The following GTF2I variants were observed in gnomAD, a reference collection of about 807,000 sequenced individuals.
The protein encoded by GTF2I is general transcription factor II-I.
A neutral mutation model predicts 67.6 loss-of-function variants in GTF2I; 12 were observed. The observed-to-expected ratio is 0.18, with a 90% CI of 0.11 to 0.29. The LOEUF (loss-of-function observed/expected upper bound fraction) is 0.29. Among genes scored for constraint, GTF2I ranks in the 10% least tolerant of loss-of-function variants. GTF2I has a pLI of 1.00. For synonymous variants in GTF2I, 149 were observed against 197.0 expected (o/e 0.76, Z 2.04); for missense variants, 271 against 580.1 (o/e 0.47, Z 5.47).
chr7:74,731,825 G>A (rs1369720248), intron 14 of GTF2I, among the ~76,000 whole-genome samples: 2 of 150,946 alleles, frequency 1.3e-5, no homozygotes, highest in Non-Finnish European at 3.0e-5. Context: ...GATTACAGGC[G>A]TGAGCCGCTG....
intron 4 of GTF2I, chr7:74,699,631 C>T (rs782232231): frequency 6.5e-6 from 1 of 153,708 alleles, no homozygotes; most frequent in Admixed American, 6.5e-5. Flanking sequence ...GCTCATCTCT[C>T]TAATTCCATG....
At chr7:74,694,206 T>A (rs1366279496) in intron 3 of GTF2I, among the ~76,000 whole-genome samples, 4 of 152,192 alleles carry the variant, frequency 2.6e-5, no homozygotes, top group Non-Finnish European at 5.9e-5. Context: ...GCCCTAACTC[T>A]CTTCAATTCT....
intron 2 of GTF2I, among the ~76,000 whole-genome samples, chr7:74,690,231 AG>A (rs1788154726): frequency 6.6e-6 from 1 of 151,906 alleles, no homozygotes; most frequent in South Asian, 2.1e-4. Flanking sequence ...AAAAAGAAAA[AG>A]ATGCCCATAA....
Position 74,659,230 on chromosome 7 carries a change from C to CT in GTF2I, c.-6+1174dup, listed in dbSNP as rs782436006. On this transcript the variant is annotated intron_variant, in intron 1 of 34. Coordinates refer to ENST00000573035, the MANE Select transcript of GTF2I (RefSeq NM_032999.4). ...GAGCCATCGCTTTCGGCTTAATTTT[C>CT]TTTTTTTTTTTTAGAAACAGGGTCT... Among the ~76,000 whole-genome samples, 374 of 145,180 alleles carry CT rather than the reference C, an allele frequency of 2.6e-3. 1 individual carries two copies. The highest frequency in any genetic ancestry group is 7.1e-3 in the Middle Eastern group (2 of 282).
At chr7:74,697,666 A>G (rs1443503012) in intron 3 of GTF2I, among the ~76,000 whole-genome samples, 1 of 152,210 alleles carries the variant, frequency 6.6e-6, no homozygotes, top group Admixed American at 6.5e-5. Context: ...AGCTATAGCT[A>G]CACTTATTTC....
chr7:74,666,844 A>G (rs1487732302), intron 1 of GTF2I, among the ~76,000 whole-genome samples: 102 of 149,226 alleles, frequency 6.8e-4, no homozygotes, highest in Non-Finnish European at 2.7e-4. Context: ...GCCAGGCGTG[A>G]TGGCGGGTGC....
chr7:74,686,098 A>C (rs1322673986), intron 1 of GTF2I, among the ~76,000 whole-genome samples: 1 of 152,186 alleles, frequency 6.6e-6, no homozygotes, highest in African/African-American at 2.4e-5. Flanking sequence ...TCAGAGGCTG[A>C]AGTGAAGTTA....
chr7:74,714,816 G>C, intron 9 of GTF2I, 41 bp from the exon 10 acceptor site: 1 of 1,340,118 alleles, frequency 7.5e-7, no homozygotes, highest in Non-Finnish European at 1.0e-6. Flanking sequence ...ATTTTTTTTT[G>C]GGGGGGATTA....
intron 6 of GTF2I, among the ~76,000 whole-genome samples, chr7:74,703,827 A>G (rs587662383): frequency 3.3e-5 from 5 of 152,344 alleles, no homozygotes; most frequent in African/African-American, 1.2e-4. Flanking sequence ...ATTTTTGTAT[A>G]TTATACAAGG....
At chr7:74,684,459 C>T (rs1215204661) in intron 1 of GTF2I, among the ~76,000 whole-genome samples, 1 of 152,158 alleles carries the variant, frequency 6.6e-6, no homozygotes, top group Non-Finnish European at 1.5e-5. Flanking sequence ...GGCCCGATGC[C>T]TCCTCTGGTG....
At chr7:74,702,951 G>T (rs1473606347) in intron 6 of GTF2I, among the ~76,000 whole-genome samples, 1 of 151,850 alleles carries the variant, frequency 6.6e-6, no homozygotes, top group African/African-American at 2.4e-5. Context: ...TGGCCAGGCT[G>T]GTCTGGAACT....
At chr7:74,700,216 A>T (rs782306584) in intron 4 of GTF2I, 31 bp from the exon 5 acceptor site, 3 of 1,603,736 alleles carry the variant, frequency 1.9e-6, no homozygotes, top group Non-Finnish European at 2.6e-6. Flanking sequence ...TTACCATTGA[A>T]TGATGTTCAT....
At chr7:74,702,323 A>G (rs782815301) in intron 6 of GTF2I, among the ~76,000 whole-genome samples, 2 of 151,564 alleles carry the variant, frequency 1.3e-5, no homozygotes, top group Non-Finnish European at 2.9e-5. Context: ...CGCCTCGTGG[A>G]TTCAAGAGAT....
chr7:74,687,072 G>T (rs1047570604), intron 1 of GTF2I, among the ~76,000 whole-genome samples: 4 of 151,478 alleles, frequency 2.6e-5, no homozygotes, highest in African/African-American at 9.7e-5. Context: ...TGTATTTTTA[G>T]TAGAGACAGT....
At chr7:74,680,099 A>AAAAAAAAAAAAAAAAAAATATATAT in intron 1 of GTF2I, among the ~76,000 whole-genome samples, 1 of 95,002 alleles carries the variant, frequency 1.1e-5, no homozygotes, top group Non-Finnish European at 2.1e-5. Flanking sequence ...AAAAAAAAAA[A>AAAAAAAAAAAAAAAAAAATATATAT]ATATATATAT....
intron 12 of GTF2I, among the ~76,000 whole-genome samples, chr7:74,720,192 T>C (rs1792766627): frequency 6.6e-6 from 1 of 152,216 alleles, no homozygotes; most frequent in Admixed American, 6.5e-5. Flanking sequence ...TTTAAAATAT[T>C]ACATATTCCA....
intron 9 of GTF2I, among the ~76,000 whole-genome samples, chr7:74,713,641 A>C (rs118014609): frequency 0.034 from 5,247 of 152,268 alleles, 108 homozygotes; most frequent in Non-Finnish European, 0.047. Context: ...ACATGCTTGT[A>C]ATTGACTTAA....
At chr7:74,666,279 T>C (rs1293638115) in intron 1 of GTF2I, among the ~76,000 whole-genome samples, 6 of 152,186 alleles carry the variant, frequency 3.9e-5, no homozygotes, top group Admixed American at 2.6e-4. Context: ...TTTATCTAGA[T>C]TGAGTTTTCA....
intron 1 of GTF2I, among the ~76,000 whole-genome samples, chr7:74,658,325 G>C (rs1362810254): frequency 6.7e-6 from 1 of 149,300 alleles, no homozygotes; most frequent in Non-Finnish European, 1.5e-5. Context: ...GGGTGGGGCG[G>C]CACGGACGCG....
Sources: allele counts gnomAD v4.1 joint callset (sites outside exome capture counted in the v4.1 genomes callset), GRCh38; gene constraint gnomAD v4.1.1; transcripts MANE v1.5; gene names NCBI Gene and HGNC (gene_info 2026-07-23, HGNC 2026-07-21).